COLGALT1: variants seen among roughly 807,000 people sequenced by gnomAD.
COLGALT1 encodes procollagen galactosyltransferase 1.
COLGALT1 carries 43 observed loss-of-function variants against 60.8 expected under a neutral mutation model. The ratio of observed to expected loss-of-function variants is 0.71; its 90% CI spans 0.55 to 0.91. The LOEUF (loss-of-function observed/expected upper bound fraction) is 0.91. COLGALT1 is among the 40% of genes least tolerant of loss of function. The probability of loss-of-function intolerance (pLI) is 0.00; values close to 1 mark genes in which losing one functional copy is unlikely to be tolerated. For synonymous variants in COLGALT1, 369 were observed against 374.2 expected (o/e 0.99, Z 0.16); for missense variants, 845 against 880.0 (o/e 0.96, Z 0.50).
intron 3 of COLGALT1, among the ~76,000 whole-genome samples, chr19:17,564,293 G>GTATACATA (rs145565943): frequency 1.3e-5 from 2 of 150,014 alleles, no homozygotes; most frequent in Admixed American, 1.3e-4. Flanking sequence ...GTGCGTGTGT[G>GTATACATA]TATACATATA....
rs1189205870 is a variant in COLGALT1, at chr19:17,567,127, G to A, written c.490-279G>A. 2.0e-5 allele frequency among the ~76,000 whole-genome samples: 3 copies of A among 152,214 alleles called. No individual in the cohort carries two copies. In the East Asian group the frequency reaches 5.8e-4, roughly 29 times the overall value. The stretch of plus-strand genomic sequence containing the variant: ...GAGACTCCGTCTCAAAAAAAAAAAG[G>A]TTTTGCTACCTTCTTGCTCATTGGT... On this transcript the variant is annotated intron_variant, in intron 3 of 11. Transcript: ENST00000252599.
In COLGALT1 at chr19:17,567,499, C is replaced by A; in HGVS notation, c.583C>A (p.Arg195=). Residue 195 remains arginine (R), a synonymous_variant, in exon 4 of 12, where the codon CGG becomes AGG. Transcript: ENST00000252599. ...KTVVAPMLDS[R]AAYSNFWCGM... is the part of the protein sequence containing the mutation. Reference sequence around the variant, plus strand: ...GGTGGTCGCCCCCATGCTGGATTCCCGGGCTGCGTACTCCAACTTCTGGTG... The same window carrying A: ...GGTGGTCGCCCCCATGCTGGATTCCAGGGCTGCGTACTCCAACTTCTGGTG... 1 of 1,613,874 alleles carries A rather than the reference C, an allele frequency of 6.2e-7. No individual in the cohort carries two copies. The highest frequency in any genetic ancestry group is 8.5e-7 in the Non-Finnish European group (1 of 1,179,886).
At chr19:17,561,173 CCA>C (rs959949708) in intron 3 of COLGALT1, among the ~76,000 whole-genome samples, 3 of 151,532 alleles carry the variant, frequency 2.0e-5, no homozygotes, top group African/African-American at 7.3e-5. Flanking sequence ...CCACTGCACT[CCA>C]GTCACTGGGC....
At chr19:17,572,410 G>A (rs541446868) in intron 5 of COLGALT1, 73 bp from the exon 6 acceptor site, 20 of 1,604,888 alleles carry the variant, frequency 1.2e-5, no homozygotes, top group East Asian at 1.1e-4. Flanking sequence ...TCCTGAAGCC[G>A]TGGGATGGAA....
intron 2 of COLGALT1, 127 bp from the exon 3 acceptor site, chr19:17,560,221 T>A: frequency 2.1e-4 from 124 of 587,138 alleles, no homozygotes; most frequent in Middle Eastern, 1.0e-3. Flanking sequence ...CTTTTTCCCA[T>A]CCCTCAGATC....
At chr19:17,574,348 G>A in intron 6 of COLGALT1, among the ~76,000 whole-genome samples, 1 of 126,166 alleles carries the variant, frequency 7.9e-6, no homozygotes, top group African/African-American at 3.0e-5. Context: ...TTTTTTTTTT[G>A]AGACGGTGTC....
intron 1 of COLGALT1, 65 bp downstream of exon 1, chr19:17,556,038 G>C: frequency 7.9e-7 from 1 of 1,270,952 alleles, no homozygotes; most frequent in East Asian, 3.2e-5. Flanking sequence ...TCCCCATAGG[G>C]GTGGGTCCAC....
chr19:17,557,242 G>C (rs1168607123), intron 1 of COLGALT1, among the ~76,000 whole-genome samples: 1 of 151,764 alleles, frequency 6.6e-6, no homozygotes, highest in African/African-American at 2.4e-5. Context: ...CACTGAAGTG[G>C]TGTGGCTCAC....
rs1186468666 is a variant in COLGALT1 at position 17,555,954 on chromosome 19, C to T, written c.241C>T (p.Arg81Trp). 2.9e-6 allele frequency: 4 copies of T among 1,379,794 alleles called. No homozygotes were observed. The highest frequency in any genetic ancestry group is 3.1e-5 in the East Asian group (1 of 32,354). 85.5% of individuals were successfully genotyped at this position (1,379,794 alleles called of 1,614,324 possible). The change falls in exon 1 of 12, where the codon CGG becomes TGG. Residue 81 changes from arginine (R) to tryptophan (W), a missense_variant. Coordinates refer to ENST00000252599, the MANE Select transcript of COLGALT1 (RefSeq NM_024656.4). ...CGCACTCGAGCGGCTGCGGCACCCG[C>T]GGGAGCGCACGGCGCTATGGTGAGT... ...LGALERLRHP[R>W]ERTALWVATD... is the part of the protein sequence containing the mutation.
intron 6 of COLGALT1, 110 bp from the exon 7 acceptor site, chr19:17,577,085 T>C (rs1403918027): frequency 3.7e-6 from 4 of 1,091,798 alleles, no homozygotes; most frequent in African/African-American, 3.1e-5. Flanking sequence ...AGGTCGACTT[T>C]GTGGGCCGAG....
intron 6 of COLGALT1, among the ~76,000 whole-genome samples, chr19:17,576,684 G>C (rs1326668053): frequency 4.0e-5 from 6 of 150,618 alleles, no homozygotes; most frequent in South Asian, 2.1e-4. Flanking sequence ...GTGGGGCTGG[G>C]GGGGTGCAGG....
intron 6 of COLGALT1, among the ~76,000 whole-genome samples, chr19:17,575,674 C>T (rs537213551): frequency 7.3e-5 from 11 of 151,604 alleles, no homozygotes; most frequent in East Asian, 2.0e-4. Flanking sequence ...CCACTGTGCC[C>T]GGCCTTCTTT....
At chr19:17,557,314 T>C (rs1045223335) in intron 1 of COLGALT1, among the ~76,000 whole-genome samples, 10 of 152,220 alleles carry the variant, frequency 6.6e-5, no homozygotes, top group Admixed American at 2.6e-4. Context: ...ACTTTTTTTT[T>C]TCTCTCAGAC....
chr19:17,558,892 G>T (rs1398987430), intron 1 of COLGALT1, among the ~76,000 whole-genome samples: 3 of 152,010 alleles, frequency 2.0e-5, no homozygotes, highest in African/African-American at 7.2e-5. Flanking sequence ...GGGCGCGGTG[G>T]CTCACGCTTG....
At chr19:17,558,041 G>T (rs1252645698) in intron 1 of COLGALT1, among the ~76,000 whole-genome samples, 2 of 152,052 alleles carry the variant, frequency 1.3e-5, no homozygotes, top group Non-Finnish European at 2.9e-5. Flanking sequence ...AGGTTCAAGC[G>T]ATTCTCCTGC....
In COLGALT1 at chr19:17,581,370, G is replaced by T. The variant is rs373290053; in HGVS notation, c.1795G>T (p.Ala599Ser). 4 of 1,612,972 alleles carry T rather than the reference G, an allele frequency of 2.5e-6. No homozygotes were observed. Among genetic ancestry groups the T allele is most frequent in the Non-Finnish European group, 1.7e-6 (2 of 1,179,968 alleles). Reference sequence around the variant, plus strand: ...GTCCCAGAAGATGCGGGAGCAGCAGGCACTGAGCCGTGAGGCCAAGAACTC... The same window carrying T: ...GTCCCAGAAGATGCGGGAGCAGCAGTCACTGAGCCGTGAGGCCAAGAACTC... ...AKSQKMREQQ[A>S]LSREAKNSDV... Residue 599 changes from alanine to serine, a missense_variant, in exon 12 of 12, where the codon GCA (alanine) becomes TCA (serine). Coordinates refer to ENST00000252599, the MANE Select transcript of COLGALT1 (RefSeq NM_024656.4).
Position 17,560,349 on chromosome 19 carries a change from T to C in COLGALT1, c.373T>C (p.Ser125Pro), listed in dbSNP as rs1481404600. 1 of 1,613,426 alleles carries C rather than the reference T, an allele frequency of 6.2e-7. No homozygotes were observed. The highest frequency in any genetic ancestry group is 1.7e-5 in the Admixed American group (1 of 60,006). ...CACATCACAGCTGCCTCCCCATAGG[T>C]CCTACCCGGACGAGGAAGGCCCGAA... ...VEWRPAEEPRSYPDEEGPKHW... is the reference protein window; with the variant it reads ...VEWRPAEEPRPYPDEEGPKHW... The change falls in exon 3 of 12, where the codon TCC becomes CCC. Residue 125 changes from serine to proline, a missense_variant and splice_region_variant. By Grantham distance (74) the Ser-to-Pro change is moderately conservative. Coordinates refer to ENST00000252599, the MANE Select transcript of COLGALT1 (RefSeq NM_024656.4).
intron 3 of COLGALT1, among the ~76,000 whole-genome samples, chr19:17,566,839 C>T (rs950473523): frequency 3.9e-5 from 6 of 152,176 alleles, no homozygotes; most frequent in Non-Finnish European, 8.8e-5. Context: ...GTAGGCCAGG[C>T]ATGGTGGCTC....
At chr19:17,567,808 G>C (rs1045657996) in intron 4 of COLGALT1, among the ~76,000 whole-genome samples, 36 of 152,062 alleles carry the variant, frequency 2.4e-4, no homozygotes, top group African/African-American at 8.4e-4. Context: ...AATTAGCCGG[G>C]TATGGTGGCA....
Sources: gnomAD v4.1 joint callset for allele counts (sites outside exome capture counted in the v4.1 genomes callset) on GRCh38, gnomAD v4.1.1 for gene constraint, MANE v1.5 for transcripts, NCBI Gene and HGNC (gene_info 2026-07-23, HGNC 2026-07-21) for gene names.